The following ITGBL1 variants were observed in gnomAD, a reference collection of about 807,000 sequenced individuals.
ITGBL1 encodes the protein integrin subunit beta like 1.
ITGBL1 carries 51 observed loss-of-function variants against 68.5 expected under a neutral mutation model. The ratio of observed to expected loss-of-function variants is 0.74; its 90% confidence interval spans 0.59 to 0.94. The LOEUF (loss-of-function observed/expected upper bound fraction) is 0.94, where lower values mean the gene tolerates loss of function less well. ITGBL1 is among the 40% of genes least tolerant of loss of function. The pLI, the probability that ITGBL1 is intolerant of heterozygous loss-of-function variation, is 0.00. For synonymous variants in ITGBL1, 209 were observed against 227.3 expected (o/e 0.92, Z 0.72); for missense variants, 649 against 647.4 (o/e 1.00, Z -0.03).
chr13:101,463,847 G>A (rs2048348028), intron 2 of ITGBL1, among the ~76,000 whole-genome samples: 1 of 150,828 alleles, frequency 6.6e-6, no homozygotes, highest in African/African-American at 2.4e-5. Context: ...ATTGGGTTGT[G>A]TGTTATTTAA....
intron 7 of ITGBL1, among the ~76,000 whole-genome samples, chr13:101,609,782 T>C (rs1175101834): frequency 3.9e-5 from 6 of 152,164 alleles, no homozygotes; most frequent in Admixed American, 3.9e-4. Context: ...GAGGTTTTTC[T>C]AACTAATAGT....
intron 7 of ITGBL1, among the ~76,000 whole-genome samples, chr13:101,614,666 A>T (rs1017234690): frequency 6.6e-6 from 1 of 152,098 alleles, no homozygotes; most frequent in Non-Finnish European, 1.5e-5. Context: ...TTTCGCAGCT[A>T]CGGTGAGAGG....
chr13:101,478,770 T>C (rs558708934), intron 2 of ITGBL1, among the ~76,000 whole-genome samples: 21 of 152,064 alleles, frequency 1.4e-4, no homozygotes, highest in African/African-American at 4.6e-4. Flanking sequence ...GAGAAAGATC[T>C]CTACAATGAA....
chr13:101,656,989 G>A (rs937340648), intron 7 of ITGBL1, among the ~76,000 whole-genome samples: 7 of 149,092 alleles, frequency 4.7e-5, no homozygotes, highest in African/African-American at 1.7e-4. Flanking sequence ...AAGTTTTAGG[G>A]TACATGTGCA....
intron 7 of ITGBL1, among the ~76,000 whole-genome samples, chr13:101,681,832 ATG>A (rs984383488): frequency 1.3e-5 from 2 of 151,822 alleles, no homozygotes; most frequent in African/African-American, 4.8e-5. Flanking sequence ...ATGTGTGTAT[ATG>A]TGTGTGTGTG....
intron 7 of ITGBL1, among the ~76,000 whole-genome samples, chr13:101,615,795 TATA>T (rs1324544002): frequency 6.6e-6 from 1 of 151,794 alleles, no homozygotes; most frequent in African/African-American, 2.4e-5. Flanking sequence ...TAAAAGTAAT[TATA>T]ATAATAATAA....
At chr13:101,628,486 G>C (rs1376705943) in intron 7 of ITGBL1, among the ~76,000 whole-genome samples, 1 of 150,368 alleles carries the variant, frequency 6.7e-6, no homozygotes, top group African/African-American at 2.5e-5. Context: ...AGGCTGGAGT[G>C]CAGTGGCATG....
chr13:101,590,143 A>G (rs1385659179), intron 6 of ITGBL1, among the ~76,000 whole-genome samples: 1 of 152,252 alleles, frequency 6.6e-6, no homozygotes. Context: ...TAAGGCTTCC[A>G]CAGCTAATCT....
chr13:101,713,744 A>G (rs1338488728), intron 9 of ITGBL1: 1 of 152,218 alleles, frequency 6.6e-6, no homozygotes, highest in Non-Finnish European at 1.5e-5. Context: ...ATAACCAAAG[A>G]GGAAGTTTTT....
intron 7 of ITGBL1, among the ~76,000 whole-genome samples, chr13:101,686,596 G>A (rs976991886): frequency 4.6e-5 from 7 of 151,946 alleles, no homozygotes; most frequent in East Asian, 1.9e-4. Flanking sequence ...TTAAGCTTCC[G>A]TTTTAATGAA....
chr13:101,677,171 A>G (rs1298980364), intron 7 of ITGBL1, among the ~76,000 whole-genome samples: 2 of 152,216 alleles, frequency 1.3e-5, no homozygotes, highest in East Asian at 1.9e-4. Context: ...TAGAGAAACC[A>G]TAAGTTATCT....
At chr13:101,491,745 A>G (rs1337302352) in intron 2 of ITGBL1, among the ~76,000 whole-genome samples, 3 of 152,116 alleles carry the variant, frequency 2.0e-5, no homozygotes, top group African/African-American at 7.2e-5. Context: ...CATCTGCGTT[A>G]GGTATTTCTC....
chr13:101,634,359 T>TAAC (rs1266707396), intron 7 of ITGBL1, among the ~76,000 whole-genome samples: 1 of 152,114 alleles, frequency 6.6e-6, no homozygotes, highest in Non-Finnish European at 1.5e-5. Context: ...CATGATAATG[T>TAAC]AACAGATCAT....
intron 8 of ITGBL1, among the ~76,000 whole-genome samples, chr13:101,701,745 A>G (rs1443193915): frequency 1.3e-5 from 2 of 152,140 alleles, no homozygotes; most frequent in Non-Finnish European, 2.9e-5. Context: ...AGTCATGAAA[A>G]GAAAAACACT....
chr13:101,534,078 C>T (rs181846907), intron 2 of ITGBL1, among the ~76,000 whole-genome samples: 3 of 152,254 alleles, frequency 2.0e-5, no homozygotes, highest in Middle Eastern at 3.4e-3. Context: ...AACTGGCCAA[C>T]AGCATCATAA....
chr13:101,531,414 T>C (rs972674957), intron 2 of ITGBL1, among the ~76,000 whole-genome samples: 1 of 152,170 alleles, frequency 6.6e-6, no homozygotes, highest in Non-Finnish European at 1.5e-5. Context: ...CAGGTCCTGC[T>C]ACTTTTGTGG....
chr13:101,475,008 C>A (rs1283889154), intron 2 of ITGBL1, among the ~76,000 whole-genome samples: 1 of 152,142 alleles, frequency 6.6e-6, no homozygotes, highest in Non-Finnish European at 1.5e-5. Context: ...ACAATAAATA[C>A]CTAACTCTTT....
chr13:101,472,530 ATAT>A (rs1452346497), intron 2 of ITGBL1, among the ~76,000 whole-genome samples: 1 of 152,204 alleles, frequency 6.6e-6, no homozygotes, highest in East Asian at 1.9e-4. Flanking sequence ...AGCAGTCAAC[ATAT>A]TATTATTCAG....
chr13:101,585,622 G>T (rs2050541365), intron 6 of ITGBL1, among the ~76,000 whole-genome samples: 1 of 151,956 alleles, frequency 6.6e-6, no homozygotes, highest in Non-Finnish European at 1.5e-5. Context: ...TAGTAGAGAA[G>T]GGTTTCACTG....
Sources: gnomAD v4.1 joint callset for allele counts (sites outside exome capture counted in the v4.1 genomes callset) on GRCh38, gnomAD v4.1.1 for gene constraint, MANE v1.5 for transcripts, NCBI Gene and HGNC (gene_info 2026-07-23, HGNC 2026-07-21) for gene names.